The following DCLK1 variants were observed in gnomAD, a reference collection of about 807,000 sequenced individuals.
DCLK1 encodes serine/threonine-protein kinase DCLK1.
A neutral mutation model predicts 86.2 loss-of-function variants in DCLK1; 16 were observed. The ratio of observed to expected loss-of-function variants is 0.19; its 90% CI spans 0.13 to 0.28. DCLK1 has a LOEUF of 0.28. Among genes scored for constraint, DCLK1 ranks in the 10% least tolerant of loss-of-function variants. DCLK1 has a pLI of 1.00. For synonymous variants in DCLK1, 369 were observed against 370.5 expected (o/e 1.00, Z 0.05); for missense variants, 590 against 940.2 (o/e 0.63, Z 4.87).
intron 4 of DCLK1, among the ~76,000 whole-genome samples, chr13:35,897,018 A>C (rs1874045268): frequency 6.6e-6 from 1 of 152,166 alleles, no homozygotes; most frequent in African/African-American, 2.4e-5. Flanking sequence ...CCAGGGCAGG[A>C]GAGGTCTAAG....
chr13:35,871,149 T>G, intron 5 of DCLK1, 75 bp downstream of exon 5: 1 of 1,243,882 alleles, frequency 8.0e-7, no homozygotes, highest in Non-Finnish European at 1.2e-6. Flanking sequence ...CCTCACACTC[T>G]AGGCTTCACA....
At chr13:35,795,594 T>C (rs760699281) in intron 15 of DCLK1, among the ~76,000 whole-genome samples, 3 of 152,056 alleles carry the variant, frequency 2.0e-5, no homozygotes, top group East Asian at 3.9e-4. Flanking sequence ...CAAGGGTGAA[T>C]TGAATGGTGT....
At chr13:35,944,907 A>C (rs533643560) in intron 4 of DCLK1, among the ~76,000 whole-genome samples, 1 of 151,494 alleles carries the variant, frequency 6.6e-6, no homozygotes, top group African/African-American at 2.4e-5. Flanking sequence ...TCTTTTATTT[A>C]TTTATTTATT....
chr13:35,962,975 T>C (rs190177192), intron 3 of DCLK1, among the ~76,000 whole-genome samples: 3 of 152,306 alleles, frequency 2.0e-5, no homozygotes, highest in Admixed American at 1.3e-4. Flanking sequence ...GAACTAAGAA[T>C]AGGAAAGCTT....
chr13:35,836,182 AAC>A, intron 7 of DCLK1, 41 bp from the exon 8 acceptor site: 1 of 1,489,244 alleles, frequency 6.7e-7, no homozygotes, highest in East Asian at 2.3e-5. Flanking sequence ...TTGAAAAGGG[AAC>A]ACAGATGTTG....
At chr13:36,100,948 A>G (rs1885196969) in intron 3 of DCLK1, among the ~76,000 whole-genome samples, 1 of 152,236 alleles carries the variant, frequency 6.6e-6, no homozygotes, top group African/African-American at 2.4e-5. Flanking sequence ...ATTATTTTCA[A>G]AAGTTACCCC....
In DCLK1 at chr13:35,785,931, C is replaced by A. The variant is rs192510817; in HGVS notation, c.2058+7435G>T. On this transcript the variant is annotated intron_variant, in intron 16 of 16. Coordinates refer to ENST00000360631, the MANE Select transcript of DCLK1 (RefSeq NM_001330071.2). ...AAAACTTCCTAATTAAGCATATATG[C>A]CGATGAGTTTTTAGCATCATTTCTC... Among the ~76,000 whole-genome samples, 11 of 152,290 alleles carry A rather than the reference C, an allele frequency of 7.2e-5. No individual in the cohort carries two copies. The East Asian group carries it at 2.1e-3, about 29-fold the overall frequency.
intron 3 of DCLK1, among the ~76,000 whole-genome samples, chr13:36,028,209 T>C (rs2153152500): frequency 6.6e-6 from 1 of 152,346 alleles, no homozygotes; most frequent in Non-Finnish European, 1.5e-5. Context: ...AGTGTCTACT[T>C]GTAATGGATA....
chr13:35,873,385 CTT>C lies in DCLK1; in HGVS notation c.824-2047_824-2046del, dbSNP rs1011363091. Among the ~76,000 whole-genome samples, 94 of 149,964 alleles carry C rather than the reference CTT, an allele frequency of 6.3e-4. 1 individual carries two copies. The highest frequency in any genetic ancestry group is 1.1e-3 in the Non-Finnish European group (77 of 67,246). On this transcript the variant is annotated intron_variant, in intron 4 of 16. Transcript: ENST00000360631. ...CCTCCAGAAAGTCCAACAAATTGTA[CTT>C]TTTTTTTTCCCCTCAAGACAGAGTC...
chr13:35,846,603 A>G lies in DCLK1; in HGVS notation c.1036-7427T>C, dbSNP rs577808096. On this transcript the variant is annotated intron_variant, in intron 6 of 16. Transcript: ENST00000360631. Reference sequence around the variant, plus strand: ...ATGCATAACAGGCACAAAATTACAAATATTTTTCAACTGACAGTACAACAC... The same window carrying G: ...ATGCATAACAGGCACAAAATTACAAGTATTTTTCAACTGACAGTACAACAC... The G allele has an allele frequency of 1.1e-3, 1,101 of 985,314 alleles. 12 individuals are homozygous for G. The African/African-American group carries it at 0.012, about 11-fold the overall frequency. 61.0% of individuals were successfully genotyped at this position (985,314 alleles called of 1,614,324 possible).
At chr13:36,049,907 T>TA (rs1353279036) in intron 3 of DCLK1, among the ~76,000 whole-genome samples, 2 of 152,046 alleles carry the variant, frequency 1.3e-5, no homozygotes, top group African/African-American at 4.8e-5. Context: ...TGCTGAAAAA[T>TA]ATTTAACAAC....
intron 7 of DCLK1, among the ~76,000 whole-genome samples, chr13:35,836,908 C>T (rs9285107): frequency 0.25 from 37,751 of 152,018 alleles, 4,956 homozygotes; most frequent in African/African-American, 0.32. Flanking sequence ...AGTTAGGTCA[C>T]GTAAATATAC....
chr13:35,870,920 C>T (rs1430341020), intron 5 of DCLK1, among the ~76,000 whole-genome samples: 1 of 152,228 alleles, frequency 6.6e-6, no homozygotes, highest in Non-Finnish European at 1.5e-5. Flanking sequence ...TTAACAGAGA[C>T]TTCCAGAATC....
At position 36,003,440 on chromosome 13, in the gene DCLK1, G is replaced by A. The variant is rs150715824; in HGVS notation, c.724-55983C>T. ...AAATCTTTGTGGAAAGCAATTTTAC[G>A]ACATATAACCAGAACCATAATAGCC... On this transcript the variant is annotated intron_variant, in intron 3 of 16. Transcript: ENST00000360631. Among the ~76,000 whole-genome samples, 525 of 152,202 alleles carry A rather than the reference G, an allele frequency of 3.4e-3. 19 individuals carry two copies. Among genetic ancestry groups the A allele is most frequent in the Admixed American group, 0.03 (456 of 15,280 alleles).
At chr13:35,874,799 C>A (rs1047740127) in intron 4 of DCLK1, among the ~76,000 whole-genome samples, 4 of 152,194 alleles carry the variant, frequency 2.6e-5, no homozygotes. Flanking sequence ...TGGAACGTGC[C>A]AAGGAGATCT....
chr13:35,947,129 A>T (rs1877426787), intron 4 of DCLK1, among the ~76,000 whole-genome samples: 1 of 152,198 alleles, frequency 6.6e-6, no homozygotes. Flanking sequence ...TATAAATTAG[A>T]CATTAGTTAC....
At chr13:36,027,250 C>T (rs117633117) in intron 3 of DCLK1, among the ~76,000 whole-genome samples, 2,725 of 152,258 alleles carry the variant, frequency 0.018, 33 homozygotes, top group Non-Finnish European at 0.027. Flanking sequence ...ATTAGATTCT[C>T]ATAAGGAGCA....
chr13:35,970,955 AGC>A (rs2153139423), intron 3 of DCLK1, among the ~76,000 whole-genome samples: 1 of 152,286 alleles, frequency 6.6e-6, no homozygotes, highest in Admixed American at 6.5e-5. Flanking sequence ...ACCTATGAAC[AGC>A]CAGGGCCATG....
intron 3 of DCLK1, among the ~76,000 whole-genome samples, chr13:36,054,651 T>C (rs1593850581): frequency 1.3e-5 from 2 of 152,080 alleles, no homozygotes; most frequent in African/African-American, 4.8e-5. Context: ...ATTTTAGATA[T>C]GGTGATCAGG....
Sources: gnomAD v4.1 joint callset for allele counts (sites outside exome capture counted in the v4.1 genomes callset) on GRCh38, gnomAD v4.1.1 for gene constraint, MANE v1.5 for transcripts, NCBI Gene and HGNC (gene_info 2026-07-23, HGNC 2026-07-21) for gene names.